Variants in SGK3 observed in about 807,000 individuals in gnomAD.
SGK3 encodes the protein serine/threonine-protein kinase Sgk3.
In SGK3, 47 loss-of-function variants were observed where a neutral mutation model predicts 68.5. That is an observed-to-expected ratio of 0.69 (90% confidence interval 0.54 to 0.87). The LOEUF (loss-of-function observed/expected upper bound fraction) is 0.87. Among genes scored for constraint, SGK3 ranks in the 40% least tolerant of loss-of-function variants. The pLI is 0.00. For synonymous variants in SGK3, 181 were observed against 189.1 expected (o/e 0.96, Z 0.35); for missense variants, 479 against 575.5 (o/e 0.83, Z 1.72).
chr8:66,815,022 C>T (rs1808522903), intron 5 of SGK3, among the ~76,000 whole-genome samples: 1 of 152,158 alleles, frequency 6.6e-6, no homozygotes, highest in African/African-American at 2.4e-5. Flanking sequence ...TGCCTATGGG[C>T]AATGGTGTAA....
intron 1 of SGK3, among the ~76,000 whole-genome samples, chr8:66,729,471 GAA>G (rs112477356): frequency 4.3e-4 from 63 of 145,000 alleles, no homozygotes; most frequent in African/African-American, 1.5e-3. Flanking sequence ...AAAGAAAAAA[GAA>G]AAAAAAAAAT....
intron 1 of SGK3, among the ~76,000 whole-genome samples, chr8:66,721,879 T>C (rs1804803716): frequency 6.6e-6 from 1 of 152,198 alleles, no homozygotes. Context: ...CTTTTTGTTT[T>C]CAAGTAAGTT....
chr8:66,809,440 C>T (rs1472778440), intron 4 of SGK3, among the ~76,000 whole-genome samples: 4 of 151,982 alleles, frequency 2.6e-5, no homozygotes, highest in Admixed American at 6.6e-5. Context: ...GCCCAGTTGT[C>T]GGGGCTTTCA....
chr8:66,715,318 C>T (rs554125470), intron 1 of SGK3, among the ~76,000 whole-genome samples: 5 of 151,792 alleles, frequency 3.3e-5, no homozygotes, highest in Middle Eastern at 3.4e-3. Context: ...AGTGCAATGG[C>T]GCAGCCTAGG....
intron 4 of SGK3, among the ~76,000 whole-genome samples, chr8:66,812,564 A>G (rs1031778628): frequency 1.4e-4 from 21 of 151,966 alleles, no homozygotes; most frequent in Admixed American, 1.4e-3. Context: ...TCTCAAAGAA[A>G]AAAAAAAAAG....
intron 1 of SGK3, among the ~76,000 whole-genome samples, chr8:66,752,868 A>T (rs768585934): frequency 2.6e-5 from 4 of 151,944 alleles, no homozygotes; most frequent in Non-Finnish European, 4.4e-5. Context: ...ATTTTTTTAG[A>T]GACAGGGTCT....
intron 15 of SGK3, among the ~76,000 whole-genome samples, 154 bp downstream of exon 15, chr8:66,847,502 G>A (rs575015821): frequency 6.6e-6 from 1 of 152,252 alleles, no homozygotes; most frequent in South Asian, 2.1e-4. Context: ...GTTTTCACCT[G>A]TATTTATATA....
At chr8:66,803,268 A>G (rs1808020214) in intron 3 of SGK3, among the ~76,000 whole-genome samples, 1 of 152,118 alleles carries the variant, frequency 6.6e-6, no homozygotes, top group South Asian at 2.1e-4. Context: ...TGATTAGTAC[A>G]TTCCTCTGTT....
intron 8 of SGK3, among the ~76,000 whole-genome samples, chr8:66,834,455 T>C (rs577230392): frequency 6.6e-6 from 1 of 151,334 alleles, no homozygotes; most frequent in South Asian, 2.1e-4. Flanking sequence ...GGCTTTAGGC[T>C]ACTGGCAGGG....
rs769366639 is a variant in SGK3 at position 66,793,717 on chromosome 8, G to T, written c.-20G>T. 6.2e-7 allele frequency: 1 copy of T among 1,604,828 alleles called. No individual in the cohort carries two copies. Among genetic ancestry groups the T allele is most frequent in the African/African-American group, 1.3e-5 (1 of 74,392 alleles). ...ACTGTTTCTTCGGATGCATTTTTTG[G>T]TGTGCTCTTGAGGGATTAAATGCAA... On this transcript the variant is annotated 5_prime_UTR_variant, in exon 2 of 17. Transcript: ENST00000521198.
intron 1 of SGK3, among the ~76,000 whole-genome samples, chr8:66,714,759 A>G (rs1420460033): frequency 2.0e-5 from 3 of 152,154 alleles, no homozygotes; most frequent in African/African-American, 4.8e-5. Context: ...GAGATCTTGT[A>G]TGGTTGATCT....
intron 5 of SGK3, among the ~76,000 whole-genome samples, chr8:66,820,389 G>A (rs1273580811): frequency 2.0e-5 from 3 of 151,892 alleles, no homozygotes; most frequent in South Asian, 2.1e-4. Context: ...AGTGCTCTTC[G>A]TTCCTTTTTA....
At chr8:66,799,327 G>C (rs1311849943) in intron 3 of SGK3, among the ~76,000 whole-genome samples, 1 of 152,154 alleles carries the variant, frequency 6.6e-6, no homozygotes, top group Non-Finnish European at 1.5e-5. Context: ...CCTAGGAGTT[G>C]AGAGGGTACC....
intron 1 of SGK3, among the ~76,000 whole-genome samples, chr8:66,785,757 G>A (rs1213958931): frequency 6.6e-6 from 1 of 152,150 alleles, no homozygotes; most frequent in East Asian, 1.9e-4. Context: ...ATTTCTTTCT[G>A]TCTTGTTGGA....
intron 1 of SGK3, among the ~76,000 whole-genome samples, chr8:66,791,309 C>T (rs1807444057): frequency 6.6e-6 from 1 of 152,192 alleles, no homozygotes. Flanking sequence ...CTTTAGTGTG[C>T]AGTCCATAGA....
At chr8:66,840,612 TG>T in intron 12 of SGK3, 1 of 216,780 alleles carries the variant, frequency 4.6e-6, no homozygotes. Flanking sequence ...TATACTATTT[TG>T]CAATTTCATA....
At chr8:66,811,072 A>C (rs1808363345) in intron 4 of SGK3, among the ~76,000 whole-genome samples, 1 of 152,210 alleles carries the variant, frequency 6.6e-6, no homozygotes, top group Non-Finnish European at 1.5e-5. Flanking sequence ...GCTGGAGTAC[A>C]GTGGTGCGAT....
At chr8:66,813,469 A>G (rs547115587) in intron 4 of SGK3, among the ~76,000 whole-genome samples, 169 of 152,086 alleles carry the variant, frequency 1.1e-3, no homozygotes, top group African/African-American at 3.8e-3. Flanking sequence ...CGTGATTTTC[A>G]GTCATCAGTG....
chr8:66,817,800 A>ATTT (rs1808655222), intron 5 of SGK3, among the ~76,000 whole-genome samples: 1 of 152,208 alleles, frequency 6.6e-6, no homozygotes, highest in Non-Finnish European at 1.5e-5. Flanking sequence ...ACAAAGTAAA[A>ATTT]CAATGAAAAA....
Sources: gnomAD v4.1 joint callset for allele counts (sites outside exome capture counted in the v4.1 genomes callset) on GRCh38, gnomAD v4.1.1 for gene constraint, MANE v1.5 for transcripts, NCBI Gene and HGNC (gene_info 2026-07-23, HGNC 2026-07-21) for gene names.